Variants in CERS6 observed in about 807,000 individuals in gnomAD.
The protein encoded by CERS6 is LAG1 homolog, ceramide synthase 6.
A neutral mutation model predicts 56.8 loss-of-function variants in CERS6; 26 were observed. The ratio of observed to expected loss-of-function variants is 0.46; its 90% confidence interval spans 0.34 to 0.63. The LOEUF (loss-of-function observed/expected upper bound fraction) is 0.63, where lower values mean the gene tolerates loss of function less well. CERS6 is among the 30% of genes least tolerant of loss of function. The probability of loss-of-function intolerance (pLI) is 0.01; values close to 1 mark genes in which losing one functional copy is unlikely to be tolerated. For synonymous variants in CERS6, 164 were observed against 173.3 expected (o/e 0.95, Z 0.42); for missense variants, 415 against 467.5 (o/e 0.89, Z 1.04).
intron 1 of CERS6, among the ~76,000 whole-genome samples, chr2:168,524,876 T>C (rs1695043609): frequency 6.6e-6 from 1 of 151,650 alleles, no homozygotes; most frequent in Non-Finnish European, 1.5e-5. Flanking sequence ...ACTATATTAC[T>C]TGTGTATTAT....
rs1456938219 is a variant in CERS6, at chr2:168,770,871, T to C, written c.*1209T>C. ...TGCTTCTTTGGTTTCCAGGAATTTT[T>C]TTCAAATGGGGCTGTTTCTGGAAAA... On this transcript the variant is annotated 3_prime_UTR_variant, in exon 10 of 10. Coordinates refer to ENST00000305747, the MANE Select transcript of CERS6 (RefSeq NM_203463.3). 6.6e-6 allele frequency: 1 copy of C among 152,220 alleles called. No individual in the cohort carries two copies. Among genetic ancestry groups the C allele is most frequent in the Non-Finnish European group, 1.5e-5 (1 of 68,042 alleles). 9.4% of individuals were successfully genotyped at this position (152,220 alleles called of 1,614,324 possible).
intron 1 of CERS6, among the ~76,000 whole-genome samples, chr2:168,484,770 T>G (rs1024120011): frequency 6.6e-6 from 1 of 152,180 alleles, no homozygotes; most frequent in Non-Finnish European, 1.5e-5. Flanking sequence ...TAGAGGCATT[T>G]AGCATTTAAG....
chr2:168,600,087 C>T (rs1168433429), intron 3 of CERS6, among the ~76,000 whole-genome samples: 1 of 152,052 alleles, frequency 6.6e-6, no homozygotes, highest in Non-Finnish European at 1.5e-5. Context: ...GGTTTCCCTC[C>T]CCCTTCCTCC....
At chr2:168,665,917 G>A (rs1685745748) in intron 4 of CERS6, among the ~76,000 whole-genome samples, 1 of 150,736 alleles carries the variant, frequency 6.6e-6, no homozygotes, top group African/African-American at 2.4e-5. Flanking sequence ...TAAATAACTT[G>A]GAGGTTTTAA....
intron 1 of CERS6, among the ~76,000 whole-genome samples, chr2:168,465,926 ACTG>A (rs936231676): frequency 6.6e-6 from 1 of 152,194 alleles, no homozygotes; most frequent in African/African-American, 2.4e-5. Flanking sequence ...ACTAGAAATT[ACTG>A]CCTTCATTTT....
At chr2:168,571,790 T>G (rs553934220) in intron 3 of CERS6, among the ~76,000 whole-genome samples, 4 of 152,324 alleles carry the variant, frequency 2.6e-5, no homozygotes, top group Non-Finnish European at 5.9e-5. Context: ...ATCCATCACC[T>G]CAAGCGTTTA....
chr2:168,659,334 C>T (rs1234306344), intron 4 of CERS6, among the ~76,000 whole-genome samples: 1 of 152,124 alleles, frequency 6.6e-6, no homozygotes, highest in Non-Finnish European at 1.5e-5. Context: ...CAAAAATCTC[C>T]TTTTCTCTCC....
intron 4 of CERS6, among the ~76,000 whole-genome samples, chr2:168,669,353 C>T (rs1009431838): frequency 1.3e-5 from 2 of 152,216 alleles, no homozygotes; most frequent in Admixed American, 6.5e-5. Context: ...TATGGACATT[C>T]CACACACCAT....
chr2:168,503,345 C>T (rs1485118928), intron 1 of CERS6, among the ~76,000 whole-genome samples: 1 of 152,110 alleles, frequency 6.6e-6, no homozygotes, highest in Non-Finnish European at 1.5e-5. Context: ...GCAGTAGAGT[C>T]ATGGAAGATA....
intron 4 of CERS6, among the ~76,000 whole-genome samples, chr2:168,671,489 T>C (rs73026559): frequency 0.034 from 5,216 of 152,304 alleles, 107 homozygotes; most frequent in South Asian, 0.063. Flanking sequence ...TTACTTCCTG[T>C]TTAGACTAAC....
At chr2:168,581,750 G>A (rs1683416808) in intron 3 of CERS6, among the ~76,000 whole-genome samples, 4 of 152,098 alleles carry the variant, frequency 2.6e-5, no homozygotes, top group Admixed American at 1.3e-4. Flanking sequence ...GTATTTGACA[G>A]TTCCAGTATT....
chr2:168,761,625 A>C (rs1307344635), intron 8 of CERS6, among the ~76,000 whole-genome samples: 1 of 152,100 alleles, frequency 6.6e-6, no homozygotes, highest in Non-Finnish European at 1.5e-5. Context: ...TATTTATTGG[A>C]TTGTTGGATT....
At chr2:168,517,494 A>T (rs900386026) in intron 1 of CERS6, among the ~76,000 whole-genome samples, 10 of 149,446 alleles carry the variant, frequency 6.7e-5, no homozygotes, top group South Asian at 2.1e-4. Context: ...ACTGCCTCAA[A>T]AAATAAATAA....
At position 168,623,477 on chromosome 2, in the gene CERS6, A is replaced by G. The variant is rs144056824; in HGVS notation, c.408-7508A>G. ...TTATACCTCAGTAAAGCAGGAAAAA[A>G]AAATGCCGTGTTACAATCTTTAGAG... On this transcript the variant is annotated intron_variant, in intron 3 of 9. Transcript: ENST00000305747. Among the ~76,000 whole-genome samples, 866 of 152,186 alleles carry G rather than the reference A, an allele frequency of 5.7e-3. 10 individuals carry two copies. The highest frequency in any genetic ancestry group is 0.019 in the African/African-American group (779 of 41,526).
At chr2:168,476,692 G>C (rs1334691219) in intron 1 of CERS6, among the ~76,000 whole-genome samples, 1 of 152,114 alleles carries the variant, frequency 6.6e-6, no homozygotes, top group Non-Finnish European at 1.5e-5. Flanking sequence ...AGGCTGGAGA[G>C]CCTGGGGTCC....
chr2:168,539,379 A>G (rs1221151658), intron 1 of CERS6, among the ~76,000 whole-genome samples: 1 of 152,166 alleles, frequency 6.6e-6, no homozygotes, highest in African/African-American at 2.4e-5. Context: ...TTTGAGCTTT[A>G]GTTTATATTT....
chr2:168,462,104 C>A (rs1258282450), intron 1 of CERS6, among the ~76,000 whole-genome samples: 2 of 152,208 alleles, frequency 1.3e-5, no homozygotes, highest in African/African-American at 4.8e-5. Context: ...AATGTTATTG[C>A]ATACACTTAC....
At chr2:168,688,585 A>G (rs1686417228) in intron 4 of CERS6, among the ~76,000 whole-genome samples, 1 of 152,196 alleles carries the variant, frequency 6.6e-6, no homozygotes, top group Non-Finnish European at 1.5e-5. Context: ...GGGGGGTATA[A>G]CTTAATTTAA....
intron 6 of CERS6, among the ~76,000 whole-genome samples, chr2:168,712,218 G>A (rs1260747701): frequency 1.3e-5 from 2 of 152,154 alleles, no homozygotes; most frequent in East Asian, 3.9e-4. Flanking sequence ...GAATTCACAA[G>A]GAACTGAGAA....
Sources: allele counts gnomAD v4.1 joint callset (sites outside exome capture counted in the v4.1 genomes callset), GRCh38; gene constraint gnomAD v4.1.1; transcripts MANE v1.5; gene names NCBI Gene and HGNC (gene_info 2026-07-23, HGNC 2026-07-21).